The following CLVS1 variants were observed in gnomAD, a reference collection of about 807,000 sequenced individuals.
CLVS1 encodes the protein clavesin-1.
Under a neutral mutation model 33.1 loss-of-function variants are expected in CLVS1, and 10 were observed. The ratio of observed to expected loss-of-function variants is 0.30; its 90% CI spans 0.19 to 0.51. The LOEUF is 0.51. CLVS1 is among the 20% of genes least tolerant of loss of function. The pLI, the probability that CLVS1 is intolerant of heterozygous loss-of-function variation, is 0.97. For synonymous variants in CLVS1, 163 were observed against 166.1 expected (o/e 0.98, Z 0.14); for missense variants, 343 against 433.4 (o/e 0.79, Z 1.85).
intron 5 of CLVS1, among the ~76,000 whole-genome samples, chr8:61,482,742 T>G (rs1465724699): frequency 6.6e-6 from 1 of 152,062 alleles, no homozygotes; most frequent in East Asian, 1.9e-4. Context: ...ACAAACTGTC[T>G]CTCAGACCAC....
chr8:61,350,745 A>T (rs974496166), intron 2 of CLVS1, among the ~76,000 whole-genome samples: 5 of 152,172 alleles, frequency 3.3e-5, no homozygotes, highest in Non-Finnish European at 5.9e-5. Flanking sequence ...TAAGCTGAGT[A>T]AAAGCTTTTA....
At chr8:61,207,260 G>T (rs979558381) in intron 2 of CLVS1, among the ~76,000 whole-genome samples, 2 of 152,208 alleles carry the variant, frequency 1.3e-5, no homozygotes, top group African/African-American at 4.8e-5. Context: ...AAGTTCAGAG[G>T]TGCATGGGCT....
chr8:61,254,896 G>A (rs1809042387), intron 2 of CLVS1, among the ~76,000 whole-genome samples: 1 of 152,118 alleles, frequency 6.6e-6, no homozygotes, highest in African/African-American at 2.4e-5. Flanking sequence ...AGCCTCCTTT[G>A]GCTCAGACTT....
chr8:61,169,603 A>T (rs544760326), intron 2 of CLVS1, among the ~76,000 whole-genome samples: 1 of 152,174 alleles, frequency 6.6e-6, no homozygotes, highest in Admixed American at 6.5e-5. Context: ...ACTCTTTCTT[A>T]CCACTGCCCC....
intron 1 of CLVS1, among the ~76,000 whole-genome samples, chr8:61,117,773 C>T (rs546560927): frequency 3.3e-4 from 50 of 152,306 alleles, no homozygotes; most frequent in African/African-American, 1.2e-3. Context: ...ATTCGGAGTG[C>T]CAGTATTTTA....
At chr8:61,470,675 T>C (rs1011603371) in intron 5 of CLVS1, among the ~76,000 whole-genome samples, 2 of 152,244 alleles carry the variant, frequency 1.3e-5, no homozygotes, top group Non-Finnish European at 2.9e-5. Context: ...GGAGCCGTAA[T>C]GAGCATATGA....
the CLVS1 span, among the ~76,000 whole-genome samples, chr8:60,991,371 C>T: frequency 6.6e-6 from 1 of 152,150 alleles, no homozygotes. Flanking sequence ...GAGAGGAGAA[C>T]CAAGCCAGAA....
intron 5 of CLVS1, among the ~76,000 whole-genome samples, chr8:61,484,966 TG>T: frequency 6.6e-6 from 1 of 152,312 alleles, no homozygotes; most frequent in East Asian, 1.9e-4. Flanking sequence ...AAGACTTAAA[TG>T]GTAGACCTAA....
intron 1 of CLVS1, among the ~76,000 whole-genome samples, chr8:61,088,226 C>T (rs532411878): frequency 2.0e-5 from 3 of 152,172 alleles, no homozygotes; most frequent in Admixed American, 6.5e-5. Flanking sequence ...CGATGGCTCA[C>T]GCTTGTAATC....
rs73685032 is a variant in CLVS1 at position 61,437,419 on chromosome 8, C to T, written c.631-16722C>T. 7.7e-3 allele frequency among the ~76,000 whole-genome samples: 1,166 copies of T among 152,202 alleles called. 18 individuals carry two copies. The highest frequency in any genetic ancestry group is 0.027 in the African/African-American group (1,117 of 41,534). On this transcript the variant is annotated intron_variant, in intron 3 of 5. Transcript: ENST00000325897. ...CTAACTCTGTCTTAAAAGAATCCTC[C>T]GTACTGTTTATTTTGCAGATAGGTT...
At chr8:61,448,386 A>AT (rs959909708) in intron 3 of CLVS1, among the ~76,000 whole-genome samples, 8 of 152,020 alleles carry the variant, frequency 5.3e-5, no homozygotes, top group Non-Finnish European at 5.9e-5. Context: ...CAAATTTTAG[A>AT]TTTTTTTGTT....
At chr8:61,067,763 G>A (rs917471006) in intron 1 of CLVS1, among the ~76,000 whole-genome samples, 4 of 151,998 alleles carry the variant, frequency 2.6e-5, no homozygotes, top group African/African-American at 9.7e-5. Context: ...ATAAGTGGAA[G>A]CTAAACTTTG....
At chr8:61,069,205 T>C (rs1178738871) in intron 1 of CLVS1, among the ~76,000 whole-genome samples, 1 of 152,178 alleles carries the variant, frequency 6.6e-6, no homozygotes, top group Admixed American at 6.5e-5. Flanking sequence ...TGACCTCAAG[T>C]GATCCACCTG....
intron 2 of CLVS1, among the ~76,000 whole-genome samples, chr8:61,316,571 T>C (rs1243151928): frequency 6.6e-6 from 1 of 152,218 alleles, no homozygotes; most frequent in Admixed American, 6.5e-5. Flanking sequence ...TGCATGATTG[T>C]AAGACTAAGC....
intron 2 of CLVS1, among the ~76,000 whole-genome samples, chr8:61,176,943 C>T (rs1807123569): frequency 1.3e-5 from 2 of 152,204 alleles, no homozygotes; most frequent in South Asian, 4.1e-4. Flanking sequence ...CTGCTGAGTT[C>T]CCAGGGGGAG....
intron 1 of CLVS1, among the ~76,000 whole-genome samples, chr8:61,084,682 T>C (rs1805086366): frequency 6.6e-6 from 1 of 152,186 alleles, no homozygotes; most frequent in Non-Finnish European, 1.5e-5. Flanking sequence ...AATTTAAATG[T>C]AAGTGGATAA....
intron 5 of CLVS1, among the ~76,000 whole-genome samples, chr8:61,484,991 C>T (rs1057219715): frequency 2.0e-5 from 3 of 152,134 alleles, no homozygotes; most frequent in African/African-American, 7.2e-5. Flanking sequence ...CATAAAAACC[C>T]TAGAAGAAAA....
chr8:61,331,820 CTCT>C (rs1162913879), intron 2 of CLVS1, among the ~76,000 whole-genome samples: 64 of 143,218 alleles, frequency 4.5e-4, no homozygotes, highest in Admixed American at 1.2e-3. Context: ...CCTCCTCCTC[CTCT>C]TCCTCCTCCT....
intron 2 of CLVS1, among the ~76,000 whole-genome samples, chr8:61,211,213 G>A (rs1468847376): frequency 1.3e-5 from 2 of 152,056 alleles, no homozygotes; most frequent in African/African-American, 2.4e-5. Context: ...GAGTGAAGGT[G>A]GGATGATTTT....
Sources: allele counts gnomAD v4.1 joint callset (sites outside exome capture counted in the v4.1 genomes callset), GRCh38; gene constraint gnomAD v4.1.1; transcripts MANE v1.5; gene names NCBI Gene and HGNC (gene_info 2026-07-23, HGNC 2026-07-21).